ATP8B4: variants seen among roughly 807,000 people sequenced by gnomAD.
ATP8B4 encodes the protein ATPase phospholipid transporting 8B4 (putative), also known as probable phospholipid-transporting ATPase IM.
ATP8B4 carries 133 observed loss-of-function variants against 145.6 expected under a neutral mutation model. That is an observed-to-expected ratio of 0.91 (90% confidence interval 0.79 to 1.05). The LOEUF is 1.05. Ranked by LOEUF, ATP8B4 falls within the 50% of genes least tolerant of loss-of-function variation. The pLI is 0.00. For synonymous variants in ATP8B4, 507 were observed against 492.9 expected (o/e 1.03, Z -0.38); for missense variants, 1,458 against 1,425.2 (o/e 1.02, Z -0.37).
chr15:50,018,533 A>G (rs932215868), intron 6 of ATP8B4, among the ~76,000 whole-genome samples: 3 of 152,234 alleles, frequency 2.0e-5, no homozygotes, highest in African/African-American at 7.2e-5. Context: ...TACCCGGAGT[A>G]TATGGATATC....
At chr15:50,007,274 A>G (rs945620860) in intron 7 of ATP8B4, among the ~76,000 whole-genome samples, 3 of 152,182 alleles carry the variant, frequency 2.0e-5, no homozygotes, top group African/African-American at 7.2e-5. Context: ...TGGGCACAAC[A>G]TATTTTCTGA....
At chr15:50,039,067 T>A (rs2051065957) in intron 5 of ATP8B4, among the ~76,000 whole-genome samples, 1 of 152,192 alleles carries the variant, frequency 6.6e-6, no homozygotes, top group Admixed American at 6.5e-5. Flanking sequence ...CCACTACTCT[T>A]CCAATCTCCA....
At chr15:50,143,185 G>A (rs923199076) in intron 1 of ATP8B4, among the ~76,000 whole-genome samples, 1 of 152,196 alleles carries the variant, frequency 6.6e-6, no homozygotes, top group Non-Finnish European at 1.5e-5. Context: ...CTATTGCTGT[G>A]TAACAAATCA....
At chr15:50,172,747 G>A (rs1446376066) in intron 1 of ATP8B4, among the ~76,000 whole-genome samples, 1 of 150,640 alleles carries the variant, frequency 6.6e-6, no homozygotes, top group Non-Finnish European at 1.5e-5. Flanking sequence ...GAGCGCCTCT[G>A]CCCCGCCGCC....
intron 13 of ATP8B4, among the ~76,000 whole-genome samples, chr15:49,962,668 T>C (rs1430547612): frequency 6.6e-6 from 1 of 152,214 alleles, no homozygotes; most frequent in Non-Finnish European, 1.5e-5. Flanking sequence ...ATTTGTAGAA[T>C]GATTTTATTG....
chr15:49,951,605 C>T (rs1299983019), intron 14 of ATP8B4, among the ~76,000 whole-genome samples: 2 of 152,086 alleles, frequency 1.3e-5, no homozygotes, highest in Non-Finnish European at 2.9e-5. Flanking sequence ...TAAGATGAGT[C>T]TCCTGAATAC....
chr15:50,121,674 C>T (rs1027451003), upstream of ATP8B4, among the ~76,000 whole-genome samples: 1 of 151,696 alleles, frequency 6.6e-6, no homozygotes. Context: ...AAAAAAAAAA[C>T]CTTTTATTCC....
rs1208757572 is a variant in ATP8B4 at position 49,860,465 on chromosome 15, C to T, written c.3308G>A (p.Trp1103Ter). Reference protein sequence around the residue: ...YPTLSDQIRRWQKAQKKARPP... With the variant: ...YPTLSDQIRR ...CCTTGCCTTCTTTTGAGCCTTCTGC[C>T]ACCGGCGGATCTGGAGAGAAACAGA... Residue 1103 changes from tryptophan to a stop codon, truncating the protein, a stop_gained, in exon 28 of 28, where the codon TGG becomes TAG. Transcript: ENST00000284509. LOFTEE classifies it high-confidence loss of function. The T allele has an allele frequency of 6.2e-7, 1 of 1,610,094 alleles. No homozygotes were observed. Among genetic ancestry groups the T allele is most frequent in the African/African-American group, 1.3e-5 (1 of 74,588 alleles).
chr15:49,876,352 C>T lies in ATP8B4; in HGVS notation c.2953G>A (p.Gly985Arg). 1 of 1,614,056 alleles carries T rather than the reference C, an allele frequency of 6.2e-7. No individual in the cohort carries two copies. The highest frequency in any genetic ancestry group is 8.5e-7 in the Non-Finnish European group (1 of 1,179,978). Reference protein sequence around the residue: ...GAFYNVAGEDGQHIADYQSFA... With the variant: ...GAFYNVAGEDRQHIADYQSFA... The stretch of plus-strand genomic sequence containing the variant: ...GACTGGTAGTCAGCAATATGTTGCC[C>T]ATCTTCTCCAGCCACGTTGTAAAAG... Residue 985 changes from glycine to arginine, a missense_variant, in exon 25 of 28, where the codon GGG (glycine) becomes AGG (arginine). Physicochemically the swap from Gly to Arg is moderately radical, Grantham distance 125 (BLOSUM62 -2). Transcript: ENST00000284509.
chr15:49,935,141 A>G (rs952236235), intron 14 of ATP8B4, among the ~76,000 whole-genome samples: 4 of 152,128 alleles, frequency 2.6e-5, no homozygotes, highest in African/African-American at 9.7e-5. Context: ...AGCCACATGT[A>G]GGTCCTTTGT....
chr15:50,049,039 G>A (rs917139128), intron 3 of ATP8B4, among the ~76,000 whole-genome samples: 1 of 152,198 alleles, frequency 6.6e-6, no homozygotes, highest in African/African-American at 2.4e-5. Context: ...TGCAGAAAAA[G>A]TCCAGCATGA....
At chr15:50,047,703 G>T (rs1251327736) in intron 3 of ATP8B4, among the ~76,000 whole-genome samples, 1 of 151,778 alleles carries the variant, frequency 6.6e-6, no homozygotes, top group Non-Finnish European at 1.5e-5. Flanking sequence ...AAATGCAAAA[G>T]TCTACCCCTG....
At chr15:50,112,543 C>T (rs1031512853) in intron 1 of ATP8B4, among the ~76,000 whole-genome samples, 54 of 152,150 alleles carry the variant, frequency 3.5e-4, no homozygotes, top group African/African-American at 1.3e-3. Context: ...TTCGGCTTGC[C>T]TCCTCTCCTC....
intron 7 of ATP8B4, 55 bp downstream of exon 7, chr15:50,010,790 A>G: frequency 8.4e-7 from 1 of 1,189,578 alleles, no homozygotes; most frequent in East Asian, 2.8e-5. Context: ...AAATACTTCC[A>G]TATATATGCT....
rs184171896 is a variant in ATP8B4 at position 49,920,992 on chromosome 15, A to C, written c.1759-582T>G. Among the ~76,000 whole-genome samples, 14 of 152,296 alleles carry C rather than the reference A, an allele frequency of 9.2e-5. No homozygotes were observed. The East Asian group carries it at 2.5e-3, about 27-fold the overall frequency. On this transcript the variant is annotated intron_variant, in intron 17 of 27. Transcript: ENST00000284509. ...TATGCTTGAAAATTTTCATGATAAAAAGCTAAAAGTAAATAATAAATGAAT... is the reference window on the plus strand; with the variant it reads ...TATGCTTGAAAATTTTCATGATAAACAGCTAAAAGTAAATAATAAATGAAT...
intron 20 of ATP8B4, among the ~76,000 whole-genome samples, chr15:49,905,673 A>G (rs12440932): frequency 0.046 from 6,960 of 152,246 alleles, 638 homozygotes; most frequent in East Asian, 0.42. Context: ...AAGGCTCCTG[A>G]AATATTGAGT....
chr15:50,145,906 G>C (rs978770427), intron 1 of ATP8B4, among the ~76,000 whole-genome samples: 9 of 151,858 alleles, frequency 5.9e-5, no homozygotes, highest in Admixed American at 2.0e-4. Flanking sequence ...TAATGGGATT[G>C]ATTACCTAAA....
chr15:49,950,604 AAACAAACAAACAAAC>A (rs1247915242), intron 14 of ATP8B4, among the ~76,000 whole-genome samples: 44 of 43,990 alleles, frequency 1.0e-3, no homozygotes, highest in South Asian at 1.2e-3. Context: ...AAAAAAAAAC[AAACAAACAAACAAAC>A]AAAAAAAACA....
At chr15:50,132,753 A>G (rs1279015780) in intron 1 of ATP8B4, among the ~76,000 whole-genome samples, 1 of 152,350 alleles carries the variant, frequency 6.6e-6, no homozygotes, top group Middle Eastern at 3.4e-3. Flanking sequence ...AATGTGGCAC[A>G]TGTACACCAT....
Sources: gnomAD v4.1 joint callset for allele counts (sites outside exome capture counted in the v4.1 genomes callset) on GRCh38, gnomAD v4.1.1 for gene constraint, MANE v1.5 for transcripts, NCBI Gene and HGNC (gene_info 2026-07-23, HGNC 2026-07-21) for gene names.